Variants in EHHADH observed in about 807,000 individuals in gnomAD.
EHHADH encodes peroxisomal bifunctional enzyme.
In EHHADH, 48 loss-of-function variants were observed where a neutral mutation model predicts 64.4. That is an observed-to-expected ratio of 0.75 (90% CI 0.59 to 0.95). The LOEUF (loss-of-function observed/expected upper bound fraction) is 0.95, where lower values mean the gene tolerates loss of function less well. Among genes scored for constraint, EHHADH ranks in the 40% least tolerant of loss-of-function variants. The probability of loss-of-function intolerance (pLI) is 0.00; values close to 1 mark genes in which losing one functional copy is unlikely to be tolerated. For synonymous variants in EHHADH, 308 were observed against 326.7 expected (o/e 0.94, Z 0.62); for missense variants, 854 against 876.6 (o/e 0.97, Z 0.33).
At chr3:185,235,509 G>A in intron 2 of EHHADH, 47 bp from the exon 3 acceptor site, 2 of 1,498,270 alleles carry the variant, frequency 1.3e-6, no homozygotes, top group Non-Finnish European at 1.8e-6. Flanking sequence ...AAATACATGG[G>A]CATTGTTATA....
At chr3:185,197,072 G>T (rs988291489) in intron 6 of EHHADH, among the ~76,000 whole-genome samples, 7 of 151,952 alleles carry the variant, frequency 4.6e-5, no homozygotes, top group African/African-American at 1.7e-4. Context: ...GAAATGTCCA[G>T]AATAGGCAAA....
At chr3:185,240,287 T>G (rs552128728) in intron 2 of EHHADH, among the ~76,000 whole-genome samples, 1 of 151,772 alleles carries the variant, frequency 6.6e-6, no homozygotes, top group Non-Finnish European at 1.5e-5. Context: ...TTTCATAGAA[T>G]GATTTAGGGA....
At chr3:185,227,268 C>A (rs533987795) in intron 4 of EHHADH, among the ~76,000 whole-genome samples, 1 of 152,382 alleles carries the variant, frequency 6.6e-6, no homozygotes, top group African/African-American at 2.4e-5. Flanking sequence ...CGCAGCAGCT[C>A]ACGCCTGTAA....
At chr3:185,248,237 C>T (rs1250625649) in intron 2 of EHHADH, 177 bp downstream of exon 2, 1 of 595,434 alleles carries the variant, frequency 1.7e-6, no homozygotes, top group Non-Finnish European at 3.0e-6. Context: ...CTAAGCCCTT[C>T]TCTGGGTCTC....
chr3:185,239,054 T>C (rs953564474), intron 2 of EHHADH, among the ~76,000 whole-genome samples: 4 of 152,090 alleles, frequency 2.6e-5, no homozygotes, highest in Non-Finnish European at 5.9e-5. Context: ...TCCTTTCCCA[T>C]TGCATATTTT....
At chr3:185,205,408 C>T (rs544062218) in intron 5 of EHHADH, among the ~76,000 whole-genome samples, 2 of 152,132 alleles carry the variant, frequency 1.3e-5, no homozygotes, top group African/African-American at 4.8e-5. Context: ...AACTCCGTTC[C>T]TAATAGTAAC....
chr3:185,251,081 G>A (rs987764442), intron 1 of EHHADH, among the ~76,000 whole-genome samples: 3 of 152,296 alleles, frequency 2.0e-5, no homozygotes, highest in Admixed American at 1.3e-4. Context: ...TGTAAAGGCC[G>A]CAGAAGTTAT....
At chr3:185,243,365 A>G (rs1375017484) in intron 2 of EHHADH, among the ~76,000 whole-genome samples, 2 of 152,284 alleles carry the variant, frequency 1.3e-5, no homozygotes, top group African/African-American at 4.8e-5. Flanking sequence ...CAGAGCTGCA[A>G]TCTAGTCTGT....
Position 185,192,070 on chromosome 3 carries a change from T to C in EHHADH, c.*156A>G, listed in dbSNP as rs1220298738. 1.4e-5 allele frequency: 12 copies of C among 844,428 alleles called. No individual in the cohort carries two copies. The highest frequency in any genetic ancestry group is 8.7e-5 in the Admixed American group (3 of 34,602). 52.3% of individuals were successfully genotyped at this position (844,428 alleles called of 1,614,324 possible). On this transcript the variant is annotated 3_prime_UTR_variant, in exon 7 of 7. Coordinates refer to ENST00000231887, the MANE Select transcript of EHHADH (RefSeq NM_001966.4). ...GGCATAGGAAGCACATTCCTAAAGATTTGACCATTAGAGTCGTTACACAGA... is the reference window on the plus strand; with the variant it reads ...GGCATAGGAAGCACATTCCTAAAGACTTGACCATTAGAGTCGTTACACAGA...
intron 2 of EHHADH, chr3:185,246,167 C>A: frequency 9.5e-7 from 1 of 1,048,894 alleles, no homozygotes; most frequent in Non-Finnish European, 1.5e-6. Flanking sequence ...ACTTCTTCAG[C>A]TTCATCAATA....
chr3:185,208,046 T>C (rs1718443087), intron 5 of EHHADH, among the ~76,000 whole-genome samples: 1 of 152,230 alleles, frequency 6.6e-6, no homozygotes, highest in Admixed American at 6.5e-5. Context: ...AGACTCTAAG[T>C]AATGGGCTGT....
rs763137355 is a variant in EHHADH, at chr3:185,218,252, A to G, written c.464-12T>C. On this transcript the variant is annotated splice_polypyrimidine_tract_variant and intron_variant, in intron 4 of 6. Coordinates refer to ENST00000231887, the MANE Select transcript of EHHADH (RefSeq NM_001966.4). The stretch of plus-strand genomic sequence containing the variant: ...TAAAATACGTCTTCCTGAAATAAAC[A>G]ACAACAACAATAACAACAAATCAAA... 1.3e-6 allele frequency: 2 copies of G among 1,572,876 alleles called. No individual in the cohort carries two copies. Among genetic ancestry groups the G allele is most frequent in the South Asian group, 2.2e-5 (2 of 89,492 alleles).
chr3:185,241,124 G>A (rs780943445), intron 2 of EHHADH, among the ~76,000 whole-genome samples: 15 of 152,234 alleles, frequency 9.9e-5, no homozygotes, highest in East Asian at 1.9e-4. Flanking sequence ...AGATTGCTGC[G>A]AATGCTGTTA....
intron 2 of EHHADH, among the ~76,000 whole-genome samples, chr3:185,241,929 A>G (rs1719464763): frequency 6.6e-6 from 1 of 152,200 alleles, no homozygotes; most frequent in Non-Finnish European, 1.5e-5. Context: ...TTATAGTTTC[A>G]GGTTTTATAT....
intron 2 of EHHADH, chr3:185,245,595 T>C (rs1264640305): frequency 1.3e-6 from 1 of 747,830 alleles, no homozygotes; most frequent in African/African-American, 1.8e-5. Context: ...TTCTGCAGGA[T>C]TGTGTCCAGT....
chr3:185,215,164 T>A (rs1304887269), intron 5 of EHHADH, among the ~76,000 whole-genome samples: 1 of 152,224 alleles, frequency 6.6e-6, no homozygotes, highest in Admixed American at 6.5e-5. Context: ...CATACACTTA[T>A]TACAACCCAG....
At chr3:185,239,740 C>A (rs1385921055) in intron 2 of EHHADH, among the ~76,000 whole-genome samples, 1 of 151,706 alleles carries the variant, frequency 6.6e-6, no homozygotes, top group East Asian at 1.9e-4. Context: ...GGAAATCTGA[C>A]TTCCTCTTTT....
chr3:185,223,679 T>A (rs1201717877), intron 4 of EHHADH, among the ~76,000 whole-genome samples: 1 of 152,156 alleles, frequency 6.6e-6, no homozygotes, highest in Non-Finnish European at 1.5e-5. Flanking sequence ...CCCCCCATAG[T>A]ATTCTGGGTA....
chr3:185,248,890 T>C (rs1719669501), intron 1 of EHHADH, among the ~76,000 whole-genome samples: 1 of 152,210 alleles, frequency 6.6e-6, no homozygotes, highest in African/African-American at 2.4e-5. Context: ...TAATTTATCA[T>C]GTAAGGCACA....
Sources: allele counts gnomAD v4.1 joint callset (sites outside exome capture counted in the v4.1 genomes callset), GRCh38; gene constraint gnomAD v4.1.1; transcripts MANE v1.5; gene names NCBI Gene and HGNC (gene_info 2026-07-23, HGNC 2026-07-21).